Variants in TBL1XR1 observed in about 807,000 individuals in gnomAD.
TBL1XR1 encodes the protein TBL1X/Y related 1, also known as F-box-like/WD repeat-containing protein TBL1XR1.
TBL1XR1 carries 5 observed loss-of-function variants against 66.9 expected under a neutral mutation model. That is an observed-to-expected ratio of 0.07 (90% CI 0.04 to 0.16). The LOEUF is 0.16. Ranked by LOEUF, TBL1XR1 falls within the 10% of genes least tolerant of loss-of-function variation. The probability of loss-of-function intolerance (pLI) is 1.00; values close to 1 mark genes in which losing one functional copy is unlikely to be tolerated. For missense variants in TBL1XR1, 238 were observed against 623.2 expected, an observed-to-expected ratio of 0.38 and a Z score of 6.58; for synonymous variants, 210 against 206.0, an observed-to-expected ratio of 1.02 and a Z score of -0.17.
chr3:177,134,920 CTG>C (rs1004206452), intron 1 of TBL1XR1, among the ~76,000 whole-genome samples: 2 of 143,704 alleles, frequency 1.4e-5, no homozygotes, highest in African/African-American at 2.6e-5. Context: ...TATTAAATAT[CTG>C]TATCACTCCT....
chr3:177,029,740 G>T (rs935535995), intron 14 of TBL1XR1, among the ~76,000 whole-genome samples: 1 of 152,142 alleles, frequency 6.6e-6, no homozygotes, highest in Non-Finnish European at 1.5e-5. Flanking sequence ...AACCAGGAAG[G>T]ATTAGTACCC....
At chr3:177,100,537 G>A (rs1217064254) in intron 1 of TBL1XR1, among the ~76,000 whole-genome samples, 1 of 151,584 alleles carries the variant, frequency 6.6e-6, no homozygotes, top group East Asian at 1.9e-4. Flanking sequence ...GGTTCTCCTG[G>A]TCTCAGCCTC....
At chr3:177,148,849 G>GCC (rs1412449660) in intron 1 of TBL1XR1, among the ~76,000 whole-genome samples, 2 of 151,760 alleles carry the variant, frequency 1.3e-5, no homozygotes, top group African/African-American at 4.8e-5. Flanking sequence ...TACTAAAAAT[G>GCC]CAAAATTAGC....
intron 12 of TBL1XR1, among the ~76,000 whole-genome samples, chr3:177,035,822 C>A (rs1303859505): frequency 6.6e-6 from 1 of 152,144 alleles, no homozygotes; most frequent in Non-Finnish European, 1.5e-5. Context: ...GGTGTCCGAG[C>A]CATTTACAGA....
chr3:177,182,610 C>G (rs1734960395), intron 1 of TBL1XR1, among the ~76,000 whole-genome samples: 1 of 152,050 alleles, frequency 6.6e-6, no homozygotes, highest in East Asian at 1.9e-4. Flanking sequence ...TGCTGAGGGT[C>G]AAGATGGGTG....
intron 1 of TBL1XR1, among the ~76,000 whole-genome samples, chr3:177,139,369 A>C (rs57242082): frequency 0.057 from 8,714 of 152,106 alleles, 571 homozygotes; most frequent in African/African-American, 0.15. Flanking sequence ...TAAAAGAAAA[A>C]AGAGACAATA....
intron 1 of TBL1XR1, among the ~76,000 whole-genome samples, chr3:177,152,137 T>C (rs1730965571): frequency 6.6e-6 from 1 of 152,236 alleles, no homozygotes; most frequent in Admixed American, 6.5e-5. Context: ...ATTAGAAGTT[T>C]AGATTATTCA....
intron 4 of TBL1XR1, among the ~76,000 whole-genome samples, chr3:177,052,337 A>G (rs1478744810): frequency 1.3e-5 from 2 of 152,228 alleles, no homozygotes; most frequent in Admixed American, 6.5e-5. Context: ...AGTCAGAAAT[A>G]CAAACAGTAC....
chr3:177,091,483 C>T (rs1225416198), intron 2 of TBL1XR1, among the ~76,000 whole-genome samples: 1 of 151,948 alleles, frequency 6.6e-6, no homozygotes, highest in Non-Finnish European at 1.5e-5. Flanking sequence ...GATCTGAGGA[C>T]CAATGAAGGA....
At chr3:177,173,228 A>G (rs1463531108) in intron 1 of TBL1XR1, among the ~76,000 whole-genome samples, 2 of 152,134 alleles carry the variant, frequency 1.3e-5, no homozygotes, top group Non-Finnish European at 2.9e-5. Context: ...TTTCTTAATT[A>G]CCGTGGTGAT....
At chr3:177,045,720 C>T (rs955317579) in intron 10 of TBL1XR1, among the ~76,000 whole-genome samples, 7 of 152,022 alleles carry the variant, frequency 4.6e-5, no homozygotes, top group East Asian at 3.9e-4. Flanking sequence ...TAGCCTTATC[C>T]CATAACAAAC....
At chr3:177,136,221 G>A (rs765752287) in intron 1 of TBL1XR1, 3 of 152,214 alleles carry the variant, frequency 2.0e-5, no homozygotes, top group South Asian at 2.1e-4. Flanking sequence ...AGGTACCTGT[G>A]AATCACAGTC....
At chr3:177,132,525 G>A (rs1728427087) in intron 1 of TBL1XR1, among the ~76,000 whole-genome samples, 1 of 152,118 alleles carries the variant, frequency 6.6e-6, no homozygotes, top group Non-Finnish European at 1.5e-5. Flanking sequence ...TTGTCCAACT[G>A]CCACTGTTAA....
At chr3:177,149,108 G>A (rs1200484578) in intron 1 of TBL1XR1, among the ~76,000 whole-genome samples, 1 of 152,202 alleles carries the variant, frequency 6.6e-6, no homozygotes, top group Non-Finnish European at 1.5e-5. Flanking sequence ...TCCCAAGACG[G>A]CAGACATATT....
chr3:177,132,368 C>G (rs1030937658), intron 1 of TBL1XR1, among the ~76,000 whole-genome samples: 9 of 152,232 alleles, frequency 5.9e-5, no homozygotes, highest in African/African-American at 1.9e-4. Context: ...TTAGCTCCTT[C>G]AGGTCCACTG....
At chr3:177,090,868 G>A (rs768307873) in intron 2 of TBL1XR1, among the ~76,000 whole-genome samples, 9 of 151,986 alleles carry the variant, frequency 5.9e-5, no homozygotes, top group Non-Finnish European at 1.2e-4. Flanking sequence ...TGCACCTGTG[G>A]TCCCAGCTAC....
intron 10 of TBL1XR1, among the ~76,000 whole-genome samples, chr3:177,045,420 G>A (rs763009184): frequency 2.6e-5 from 4 of 152,056 alleles, no homozygotes; most frequent in Admixed American, 6.6e-5. Flanking sequence ...TAAACGGAGC[G>A]TGGGCACAAA....
intron 1 of TBL1XR1, among the ~76,000 whole-genome samples, chr3:177,139,766 G>A (rs1295326143): frequency 6.6e-6 from 1 of 151,980 alleles, no homozygotes; most frequent in Non-Finnish European, 1.5e-5. Flanking sequence ...AGAGATGGAA[G>A]GGGCAAGTTA....
At chr3:177,189,751 T>C (rs1007412681) in intron 1 of TBL1XR1, among the ~76,000 whole-genome samples, 1 of 151,760 alleles carries the variant, frequency 6.6e-6, no homozygotes, top group Non-Finnish European at 1.5e-5. Flanking sequence ...ACCATAAAAA[T>C]TTACTGAAGG....
Sources: gnomAD v4.1 joint callset for allele counts (sites outside exome capture counted in the v4.1 genomes callset) on GRCh38, gnomAD v4.1.1 for gene constraint, MANE v1.5 for transcripts, NCBI Gene and HGNC (gene_info 2026-07-23, HGNC 2026-07-21) for gene names.